Variants in NRDC observed in about 807,000 individuals in gnomAD.
The protein encoded by NRDC is nardilysin.
NRDC carries 54 observed loss-of-function variants against 147.1 expected under a neutral mutation model. The ratio of observed to expected loss-of-function variants is 0.37; its 90% CI spans 0.29 to 0.46. The LOEUF (loss-of-function observed/expected upper bound fraction) is 0.46, where lower values mean the gene tolerates loss of function less well. Ranked by LOEUF, NRDC falls within the 20% of genes least tolerant of loss-of-function variation. The pLI is 1.00. For missense variants in NRDC, 1,082 were observed against 1,370.6 expected (o/e 0.79, Z 3.33); for synonymous variants, 440 against 482.1 (o/e 0.91, Z 1.14).
chr1:51,846,709 G>C (rs563280651), intron 1 of NRDC, among the ~76,000 whole-genome samples: 1 of 152,208 alleles, frequency 6.6e-6, no homozygotes, highest in African/African-American at 2.4e-5. Context: ...AAGATTTATC[G>C]CCAACAGCGA....
intron 29 of NRDC, among the ~76,000 whole-genome samples, chr1:51,789,989 CCTTG>C (rs1678514935): frequency 6.6e-6 from 1 of 152,180 alleles, no homozygotes; most frequent in Non-Finnish European, 1.5e-5. Flanking sequence ...AGGAAATCTA[CCTTG>C]CTTCTATTAA....
intron 22 of NRDC, 181 bp downstream of exon 22, chr1:51,798,068 C>T (rs1028367966): frequency 3.5e-6 from 2 of 563,690 alleles, no homozygotes; most frequent in South Asian, 5.7e-5. Context: ...TCATTCCCAG[C>T]CCAGCAGTCT....
At chr1:51,793,343 G>C (rs1283633436) in intron 24 of NRDC, among the ~76,000 whole-genome samples, 1 of 152,190 alleles carries the variant, frequency 6.6e-6, no homozygotes, top group Non-Finnish European at 1.5e-5. Flanking sequence ...GTTAAGAAAG[G>C]CTAGGCTGTA....
At chr1:51,832,361 AT>A (rs1395385176) in intron 4 of NRDC, among the ~76,000 whole-genome samples, 10 of 152,278 alleles carry the variant, frequency 6.6e-5, no homozygotes, top group South Asian at 6.2e-4. Flanking sequence ...TTTAAAAAAA[AT>A]ATTAGATCTC....
intron 1 of NRDC, among the ~76,000 whole-genome samples, chr1:51,871,407 G>T (rs574059199): frequency 4.1e-5 from 6 of 147,148 alleles, no homozygotes; most frequent in Middle Eastern, 3.6e-3. Flanking sequence ...GCTTTCACCA[G>T]TAATAATTTC....
At chr1:51,860,642 AATTACT>A (rs1682484185) in intron 1 of NRDC, among the ~76,000 whole-genome samples, 1 of 152,196 alleles carries the variant, frequency 6.6e-6, no homozygotes, top group Non-Finnish European at 1.5e-5. Context: ...TTCCTGTTGC[AATTACT>A]ATTACTTTTC....
chr1:51,797,470 C>G (rs1035624070), intron 22 of NRDC, among the ~76,000 whole-genome samples: 2 of 152,198 alleles, frequency 1.3e-5, no homozygotes, highest in African/African-American at 4.8e-5. Flanking sequence ...TTCTTAACCA[C>G]AAATCTTCTT....
chr1:51,847,070 G>A (rs1681667906), intron 1 of NRDC, among the ~76,000 whole-genome samples: 1 of 150,848 alleles, frequency 6.6e-6, no homozygotes, highest in Non-Finnish European at 1.5e-5. Flanking sequence ...TAGACATAAA[G>A]GTTCTCCAAG....
chr1:51,846,019 C>A (rs1271983949), intron 1 of NRDC, among the ~76,000 whole-genome samples: 1 of 151,352 alleles, frequency 6.6e-6, no homozygotes, highest in East Asian at 1.9e-4. Flanking sequence ...AAAGTTACAA[C>A]AACAGAACTA....
chr1:51,841,810 G>C (rs752186110), intron 1 of NRDC, among the ~76,000 whole-genome samples: 1 of 152,148 alleles, frequency 6.6e-6, no homozygotes, highest in East Asian at 1.9e-4. Flanking sequence ...AGCAGTCAGG[G>C]AAGGCGTCTA....
At chr1:51,861,038 C>T (rs932128736) in intron 1 of NRDC, among the ~76,000 whole-genome samples, 10 of 151,784 alleles carry the variant, frequency 6.6e-5, no homozygotes, top group African/African-American at 2.4e-4. Context: ...CAACCTCCGC[C>T]TCCCATGGTG....
chr1:51,867,014 G>A (rs988874857), intron 1 of NRDC, among the ~76,000 whole-genome samples: 9 of 151,886 alleles, frequency 5.9e-5, no homozygotes, highest in African/African-American at 1.7e-4. Context: ...TCAGTCTGTC[G>A]CTCAGGCTGC....
In NRDC at chr1:51,819,925, C is replaced by A. The variant is rs767482767; in HGVS notation, c.1218-52G>T. On this transcript the variant is annotated intron_variant, in intron 8 of 30. Transcript: ENST00000352171. Reference sequence around the variant, plus strand: ...TTTAACTGGCAAAAGCCTTTATAAGCAATATCTTTAGGGATATCTAACTGA... The same window carrying A: ...TTTAACTGGCAAAAGCCTTTATAAGAAATATCTTTAGGGATATCTAACTGA... 277 of 1,349,076 alleles carry A rather than the reference C, an allele frequency of 2.1e-4. 1 individual carries two copies. The highest frequency in any genetic ancestry group is 2.5e-4 in the Middle Eastern group (1 of 4,070). 83.6% of individuals were successfully genotyped at this position (1,349,076 alleles called of 1,614,324 possible).
chr1:51,811,519 A>C (rs1258980883), intron 15 of NRDC, among the ~76,000 whole-genome samples: 1 of 152,232 alleles, frequency 6.6e-6, no homozygotes, highest in Non-Finnish European at 1.5e-5. Context: ...TAGTGAAGGA[A>C]TGACCCTGAC....
At chr1:51,812,482 C>T (rs780955633) in intron 14 of NRDC, among the ~76,000 whole-genome samples, 1 of 151,842 alleles carries the variant, frequency 6.6e-6, no homozygotes, top group Non-Finnish European at 1.5e-5. Context: ...GAGCTGAGAT[C>T]GTGCCACCAT....
intron 1 of NRDC, among the ~76,000 whole-genome samples, chr1:51,852,232 T>C (rs925266816): frequency 6.6e-5 from 10 of 152,172 alleles, no homozygotes; most frequent in East Asian, 3.9e-4. Context: ...TGTGTCCTTG[T>C]TGAAGTCATA....
At chr1:51,796,674 G>A (rs948197473) in intron 22 of NRDC, among the ~76,000 whole-genome samples, 8 of 151,104 alleles carry the variant, frequency 5.3e-5, no homozygotes, top group South Asian at 2.1e-4. Flanking sequence ...TGCAACCTCC[G>A]CCTCCCGGAT....
chr1:51,861,461 C>G (rs1682538285), intron 1 of NRDC, among the ~76,000 whole-genome samples: 1 of 151,502 alleles, frequency 6.6e-6, no homozygotes, highest in South Asian at 2.1e-4. Context: ...TCCCAAGTAG[C>G]TGGGACTACA....
chr1:51,807,614 G>A (rs1277704881), intron 17 of NRDC, among the ~76,000 whole-genome samples: 1 of 152,032 alleles, frequency 6.6e-6, no homozygotes, highest in African/African-American at 2.4e-5. Flanking sequence ...GGCTGACACA[G>A]GAGGACTGCT....
Sources: gnomAD v4.1 joint callset for allele counts (sites outside exome capture counted in the v4.1 genomes callset) on GRCh38, gnomAD v4.1.1 for gene constraint, MANE v1.5 for transcripts, NCBI Gene and HGNC (gene_info 2026-07-23, HGNC 2026-07-21) for gene names.